Variants in SMIM7 observed in about 807,000 individuals in gnomAD.
SMIM7 encodes the protein small integral membrane protein 7.
Under a neutral mutation model 13.3 loss-of-function variants are expected in SMIM7, and 12 were observed. The observed-to-expected ratio is 0.90, with a 90% CI of 0.58 to 1.46. The LOEUF (loss-of-function observed/expected upper bound fraction) is 1.46, where lower values mean the gene tolerates loss of function less well. Among genes scored for constraint, SMIM7 ranks in the 40% most tolerant of loss-of-function variants. The pLI is 0.00. For missense variants in SMIM7, 114 were observed against 94.8 expected (o/e 1.20, Z -0.84); for synonymous variants, 36 against 35.8 (o/e 1.01, Z -0.02).
rs2086650299 is a variant in SMIM7 at position 16,659,840 on chromosome 19, G to A, written c.68+119C>T. On this transcript the variant is annotated intron_variant, in intron 2 of 4. Transcript: ENST00000487416. ...CAGGCTGGAGGCGTGCCCAGAGGGCGGATAGGGCGGGGCCTGCGGCTTGGG... is the reference window on the plus strand; with the variant it reads ...CAGGCTGGAGGCGTGCCCAGAGGGCAGATAGGGCGGGGCCTGCGGCTTGGG... 3 of 1,354,950 alleles carry A rather than the reference G, an allele frequency of 2.2e-6. No homozygotes were observed. The South Asian group carries it at 3.7e-5, about 17-fold the overall frequency. The allele number at this position is 1,354,950 out of a possible 1,614,324, so 83.9% of individuals were successfully genotyped here.
intron 4 of SMIM7, among the ~76,000 whole-genome samples, chr19:16,635,899 A>AAAAAAAAAAAATATATAT (rs1200181092): frequency 1.9e-4 from 21 of 109,566 alleles, no homozygotes; most frequent in African/African-American, 8.6e-4. Flanking sequence ...AAAAAAAAAA[A>AAAAAAAAAAAATATATAT]ATATATATAT....
At chr19:16,640,939 A>G (rs1599361294), downstream of SMIM7, 1 of 152,272 alleles carries the variant, frequency 6.6e-6, no homozygotes, top group South Asian at 2.1e-4. Context: ...AGAAAGAAAG[A>G]AAGAAAGAAA....
At chr19:16,647,500 G>C (rs570499754) in intron 4 of SMIM7, among the ~76,000 whole-genome samples, 1 of 149,916 alleles carries the variant, frequency 6.7e-6, no homozygotes, top group African/African-American at 2.5e-5. Context: ...CTGCCGCCCA[G>C]GCTGGAGTAC....
chr19:16,651,931 T>C (rs1267842413), intron 4 of SMIM7, among the ~76,000 whole-genome samples: 21 of 144,676 alleles, frequency 1.5e-4, no homozygotes, highest in African/African-American at 4.4e-4. Context: ...CATAGAAGCA[T>C]AGTGACTTCT....
downstream of SMIM7, among the ~76,000 whole-genome samples, chr19:16,642,159 G>C (rs1297268685): frequency 1.3e-5 from 2 of 152,168 alleles, no homozygotes; most frequent in African/African-American, 2.4e-5. Context: ...CTGTAGCCTT[G>C]TTTTCTAATA....
In SMIM7 at chr19:16,659,499, G is replaced by A. The variant is rs752184656; in HGVS notation, c.69-52C>T. On this transcript the variant is annotated intron_variant, in intron 2 of 4. Coordinates refer to ENST00000487416, the MANE Select transcript of SMIM7 (RefSeq NM_024104.4). ...CTTTCAATGGGACATAGAGTCCTCA[G>A]CCCCCTGACCCCCAGCTCAGAAGGC... 8.9e-6 allele frequency: 14 copies of A among 1,568,562 alleles called. No individual in the cohort carries two copies. In the African/African-American group the frequency reaches 1.9e-4, roughly 21 times the overall value.
intron 4 of SMIM7, among the ~76,000 whole-genome samples, chr19:16,647,780 G>A (rs1344707564): frequency 6.6e-6 from 1 of 152,118 alleles, no homozygotes; most frequent in African/African-American, 2.4e-5. Context: ...ATAAGGGAAA[G>A]CGGTACAGCT....
intron 4 of SMIM7, chr19:16,635,091 G>A (rs1314545006): frequency 6.6e-6 from 1 of 152,076 alleles, no homozygotes; most frequent in African/African-American, 2.4e-5. Flanking sequence ...GCCGGGCACA[G>A]TGGCTCATGC....
Position 16,647,090 on chromosome 19 carries a change from G to T in SMIM7, c.*156C>A. ...AACAGGGACGTGGCTGGGAAACCAT[G>T]CACACCTCGGCGAACACTTTTCCAC... On this transcript the variant is annotated 3_prime_UTR_variant, in exon 5 of 5. Transcript: ENST00000487416. 3 of 874,880 alleles carry T rather than the reference G, an allele frequency of 3.4e-6. No individual in the cohort carries two copies. Among genetic ancestry groups the T allele is most frequent in the Non-Finnish European group, 5.5e-6 (3 of 542,742 alleles). 54.2% of individuals were successfully genotyped at this position (874,880 alleles called of 1,614,324 possible).
chr19:16,646,997 A>G lies in SMIM7; in HGVS notation c.*249T>C. On this transcript the variant is annotated 3_prime_UTR_variant, in exon 5 of 5. Transcript: ENST00000487416. ...GCAATTTCATCACAGCCCCTTACAT[A>G]AACGCTCCTGAAACCCTTTCAGTAG... The G allele has an allele frequency of 3.4e-6, 2 of 583,704 alleles. No homozygotes were observed. Among genetic ancestry groups the G allele is most frequent in the South Asian group, 2.1e-5 (1 of 47,172 alleles). The allele number at this position is 583,704 out of a possible 1,614,324, so 36.2% of individuals were successfully genotyped here.
At chr19:16,656,434 T>C (rs1181568371) in intron 3 of SMIM7, among the ~76,000 whole-genome samples, 1 of 151,894 alleles carries the variant, frequency 6.6e-6, no homozygotes, top group Admixed American at 6.6e-5. Flanking sequence ...ATACAGGGGA[T>C]ACAGAAAGAA....
In SMIM7 at chr19:16,650,086, C is replaced by T. The variant is rs1036233194; in HGVS notation, c.213-2825G>A. ...ATCCTGTGAATATTCTATAAAATAC[C>T]GGATTGTGAAGACAGACTTCCGCCT... On this transcript the variant is annotated intron_variant, in intron 4 of 4. Coordinates refer to ENST00000487416, the MANE Select transcript of SMIM7 (RefSeq NM_024104.4). 4.5e-4 allele frequency among the ~76,000 whole-genome samples: 68 copies of T among 152,218 alleles called. 1 individual carries two copies. The highest frequency in any genetic ancestry group is 1.4e-3 in the African/African-American group (58 of 41,536).
chr19:16,652,719 C>G, intron 4 of SMIM7: 1 of 1,440,526 alleles, frequency 6.9e-7, no homozygotes, highest in South Asian at 1.5e-5. Flanking sequence ...ACTGGGGTGG[C>G]ACGCAGACTG....
In SMIM7 at chr19:16,660,125, C is replaced by A. The variant is rs370384403; in HGVS notation, c.-15G>T. 4 of 1,613,952 alleles carry A rather than the reference C, an allele frequency of 2.5e-6. No individual in the cohort carries two copies. The highest frequency in any genetic ancestry group is 2.5e-6 in the Non-Finnish European group (3 of 1,180,020). On this transcript the variant is annotated 5_prime_UTR_variant, in exon 1 of 5. Transcript: ENST00000487416. ...TCTCCGATCATCGTTACGGCCGAAG[C>A]GTCCGTCAGAACCGGAAGCGGAAGC...
At chr19:16,644,436 CTT>C (rs760428803), downstream of SMIM7, among the ~76,000 whole-genome samples, 3 of 137,474 alleles carry the variant, frequency 2.2e-5, no homozygotes, top group Admixed American at 1.5e-4. Flanking sequence ...CTGTTTGTAA[CTT>C]TTTTTTTTTT....
chr19:16,642,884 C>A (rs976909284), downstream of SMIM7, among the ~76,000 whole-genome samples: 29 of 148,864 alleles, frequency 1.9e-4, no homozygotes, highest in African/African-American at 7.0e-4. Context: ...AGTGCAGCGG[C>A]GCGATCATGG....
chr19:16,649,870 A>C (rs1177517751), intron 4 of SMIM7, among the ~76,000 whole-genome samples: 2 of 152,198 alleles, frequency 1.3e-5, no homozygotes, highest in South Asian at 2.1e-4. Flanking sequence ...AGCTAGACAC[A>C]AAAGGCCATG....
At chr19:16,643,615 T>C (rs189798462), downstream of SMIM7, among the ~76,000 whole-genome samples, 93 of 152,200 alleles carry the variant, frequency 6.1e-4, no homozygotes, top group African/African-American at 1.7e-3. Flanking sequence ...CAGGCTGGTA[T>C]TGAACTCCTG....
chr19:16,651,346 A>C (rs753042507), intron 4 of SMIM7, among the ~76,000 whole-genome samples: 3 of 152,214 alleles, frequency 2.0e-5, no homozygotes, highest in Non-Finnish European at 4.4e-5. Context: ...TGCGAAGTTC[A>C]TTCACAAAAA....
Sources: allele counts gnomAD v4.1 joint callset (sites outside exome capture counted in the v4.1 genomes callset), GRCh38; gene constraint gnomAD v4.1.1; transcripts MANE v1.5; gene names NCBI Gene and HGNC (gene_info 2026-07-23, HGNC 2026-07-21).